Variants in CSMD1 observed in about 807,000 individuals in gnomAD.
CSMD1 encodes the protein CUB and Sushi multiple domains 1.
Under a neutral mutation model 417.5 loss-of-function variants are expected in CSMD1, and 213 were observed. The observed-to-expected ratio is 0.51, with a 90% CI of 0.46 to 0.57. CSMD1 has a LOEUF of 0.57. Among genes scored for constraint, CSMD1 ranks in the 20% least tolerant of loss-of-function variants. The probability of loss-of-function intolerance (pLI) is 0.00; values close to 1 mark genes in which losing one functional copy is unlikely to be tolerated. For synonymous variants in CSMD1, 2,862 were observed against 1,736.8 expected (o/e 1.65, Z -16.11); for missense variants, 6,923 against 4,529.7 (o/e 1.53, Z -15.17).
chr8:4,763,547 A>G (rs1172942334), intron 1 of CSMD1, among the ~76,000 whole-genome samples: 2 of 152,198 alleles, frequency 1.3e-5, no homozygotes, highest in African/African-American at 4.8e-5. Flanking sequence ...GGGGCACCAT[A>G]GAAAGAGCAG....
chr8:4,047,058 C>A (rs901419537), intron 3 of CSMD1, among the ~76,000 whole-genome samples: 2 of 152,120 alleles, frequency 1.3e-5, no homozygotes, highest in African/African-American at 4.8e-5. Flanking sequence ...CAAATGAATA[C>A]AGAATTAAAT....
chr8:3,032,506 A>G (rs969864127), intron 50 of CSMD1, among the ~76,000 whole-genome samples: 10 of 152,058 alleles, frequency 6.6e-5, no homozygotes, highest in African/African-American at 2.4e-4. Flanking sequence ...TCTTGGTCCA[A>G]TAAAATAATG....
intron 12 of CSMD1, among the ~76,000 whole-genome samples, chr8:3,421,390 G>A (rs1217508844): frequency 1.3e-5 from 2 of 152,186 alleles, no homozygotes; most frequent in Non-Finnish European, 2.9e-5. Context: ...ATGACCAAAT[G>A]CAAATGAGAG....
At chr8:4,278,683 A>C (rs1400787548) in intron 3 of CSMD1, among the ~76,000 whole-genome samples, 1 of 152,216 alleles carries the variant, frequency 6.6e-6, no homozygotes, top group African/African-American at 2.4e-5. Context: ...AACAGTCTAT[A>C]GCCACTTAAA....
intron 42 of CSMD1, among the ~76,000 whole-genome samples, chr8:3,111,579 C>G (rs1219284091): frequency 1.3e-5 from 2 of 152,096 alleles, no homozygotes; most frequent in Non-Finnish European, 2.9e-5. Context: ...CTTCTGTAAT[C>G]CCAGCACTTT....
chr8:2,958,506 A>G (rs910432102), intron 62 of CSMD1, among the ~76,000 whole-genome samples: 15 of 152,214 alleles, frequency 9.9e-5, no homozygotes, highest in Admixed American at 6.5e-4. Context: ...TAATTTAACC[A>G]GAGGTGCCTT....
chr8:4,247,791 A>C (rs2656278), intron 3 of CSMD1, among the ~76,000 whole-genome samples: 81,606 of 152,086 alleles, frequency 0.54, 23,407 homozygotes, highest in Middle Eastern at 0.7. Flanking sequence ...TGAAAAAAGT[A>C]CTGTGGGAGC....
intron 3 of CSMD1, among the ~76,000 whole-genome samples, chr8:4,299,736 T>C (rs758732750): frequency 3.0e-4 from 46 of 152,098 alleles, no homozygotes; most frequent in African/African-American, 9.9e-4. Context: ...TTTCAAGCGA[T>C]TGTCATGCCT....
At position 3,268,287 on chromosome 8, in the gene CSMD1, C is replaced by CTTTTTTTTTTTT. The variant is rs1172040830; in HGVS notation, c.4153+15856_4153+15857insAAAAAAAAAAAA. ...AGGGTGTGGTCAGATGGTTCATTTC[C>CTTTTTTTTTTTT]TATTTTTTTTTTTTTTTTTTTTTTT... On this transcript the variant is annotated intron_variant, in intron 26 of 69. Transcript: ENST00000635120. Among the ~76,000 whole-genome samples the CTTTTTTTTTTTT allele has an allele frequency of 1.7e-4, 19 of 114,646 alleles. 2 individuals carry two copies. The highest frequency in any genetic ancestry group is 3.0e-4 in the South Asian group (1 of 3,386). 75.2% of individuals were successfully genotyped at this position (114,646 alleles called of 152,430 possible).
intron 3 of CSMD1, among the ~76,000 whole-genome samples, chr8:4,128,763 C>T (rs148429932): frequency 2.0e-5 from 3 of 152,166 alleles, no homozygotes; most frequent in African/African-American, 7.2e-5. Context: ...AGCCTCACAC[C>T]CACACACCAT....
chr8:3,940,126 T>C (rs537155293), intron 5 of CSMD1, among the ~76,000 whole-genome samples: 2 of 152,200 alleles, frequency 1.3e-5, no homozygotes, highest in East Asian at 1.9e-4. Flanking sequence ...ATAAAGTAAA[T>C]AGTACTACTA....
At chr8:4,440,946 G>A (rs560212303) in intron 2 of CSMD1, among the ~76,000 whole-genome samples, 3 of 150,568 alleles carry the variant, frequency 2.0e-5, no homozygotes, top group East Asian at 2.0e-4. Flanking sequence ...GCAGCGAGCC[G>A]AGATCATGCC....
intron 2 of CSMD1, among the ~76,000 whole-genome samples, chr8:4,610,462 G>A (rs1015291911): frequency 6.6e-6 from 1 of 152,088 alleles, no homozygotes; most frequent in African/African-American, 2.4e-5. Flanking sequence ...CTTCTTCAGG[G>A]ACAGGCTCCA....
At chr8:4,315,497 A>G (rs1369417594) in intron 3 of CSMD1, among the ~76,000 whole-genome samples, 1 of 152,204 alleles carries the variant, frequency 6.6e-6, no homozygotes, top group African/African-American at 2.4e-5. Flanking sequence ...GGATAAATAA[A>G]AAGTGAACCA....
At chr8:3,346,438 C>G (rs1808000426) in intron 22 of CSMD1, among the ~76,000 whole-genome samples, 2 of 152,108 alleles carry the variant, frequency 1.3e-5, no homozygotes, top group Admixed American at 1.3e-4. Context: ...GTAACTATTT[C>G]TTTTTAGATT....
At chr8:3,564,582 T>G (rs1458043135) in intron 10 of CSMD1, among the ~76,000 whole-genome samples, 1 of 148,206 alleles carries the variant, frequency 6.7e-6, no homozygotes, top group African/African-American at 2.5e-5. Context: ...ATCAAAAGCA[T>G]GGCCCTTGTT....
intron 10 of CSMD1, among the ~76,000 whole-genome samples, chr8:3,535,621 T>A (rs1404879079): frequency 1.3e-5 from 2 of 152,196 alleles, no homozygotes; most frequent in South Asian, 2.1e-4. Flanking sequence ...TGTACCTTAT[T>A]CAAGTAACAG....
At position 4,110,830 on chromosome 8, in the gene CSMD1, C is replaced by CT. The variant is rs928661009; in HGVS notation, c.416-78732dup. ...TTTAAATGTTCTGCTTCTATTTCTA[C>CT]TTTTTTTAAGGAAATCAGAGACTTT... On this transcript the variant is annotated intron_variant, in intron 3 of 69. Transcript: ENST00000635120. Among the ~76,000 whole-genome samples, 7 of 151,964 alleles carry CT rather than the reference C, an allele frequency of 4.6e-5. No homozygotes were observed. The East Asian group carries it at 7.7e-4, about 17-fold the overall frequency.
At chr8:2,940,449 T>A (rs1403832897) in intron 69 of CSMD1, among the ~76,000 whole-genome samples, 1 of 152,158 alleles carries the variant, frequency 6.6e-6, no homozygotes, top group Non-Finnish European at 1.5e-5. Context: ...CCAGTTGTGA[T>A]GACGACAGAT....
Sources: allele counts gnomAD v4.1 joint callset (sites outside exome capture counted in the v4.1 genomes callset), GRCh38; gene constraint gnomAD v4.1.1; transcripts MANE v1.5; gene names NCBI Gene and HGNC (gene_info 2026-07-23, HGNC 2026-07-21).